The following GRID2 variants were observed in gnomAD, a reference collection of about 807,000 sequenced individuals.
GRID2 encodes the protein glutamate ionotropic receptor delta type subunit 2.
A neutral mutation model predicts 114.8 loss-of-function variants in GRID2; 33 were observed. That is an observed-to-expected ratio of 0.29 (90% CI 0.22 to 0.38). GRID2 has a LOEUF of 0.38. Ranked by LOEUF, GRID2 falls within the 10% of genes least tolerant of loss-of-function variation. The pLI, the probability that GRID2 is intolerant of heterozygous loss-of-function variation, is 1.00. For synonymous variants in GRID2, 505 were observed against 449.9 expected (o/e 1.12, Z -1.55); for missense variants, 1,184 against 1,257.7 (o/e 0.94, Z 0.89).
intron 8 of GRID2, among the ~76,000 whole-genome samples, chr4:93,370,642 TC>T (rs1006330157): frequency 9.2e-5 from 14 of 151,490 alleles, no homozygotes; most frequent in African/African-American, 2.7e-4. Flanking sequence ...TAAGGTTTTC[TC>T]TTTTTTTGCA....
At chr4:93,725,548 G>A (rs1311075175) in intron 14 of GRID2, among the ~76,000 whole-genome samples, 2 of 151,764 alleles carry the variant, frequency 1.3e-5, no homozygotes, top group African/African-American at 4.9e-5. Flanking sequence ...AGATCCCTGA[G>A]GAATCGCCAC....
rs755854561 is a variant in GRID2 at position 92,928,897 on chromosome 4, A to G, written c.245-156098A>G. On this transcript the variant is annotated intron_variant, in intron 2 of 15. Coordinates refer to ENST00000282020, the MANE Select transcript of GRID2 (RefSeq NM_001510.4). The stretch of plus-strand genomic sequence containing the variant: ...TTTTGAGAACCATCTTTGGCAACAT[A>G]TAGCAGTTTTTGATTTCCCCATCTA... Among the ~76,000 whole-genome samples the G allele has an allele frequency of 2.6e-4, 40 of 151,446 alleles. 1 individual carries two copies. Among genetic ancestry groups the G allele is most frequent in the Non-Finnish European group, 4.7e-4 (32 of 67,598 alleles).
intron 8 of GRID2, among the ~76,000 whole-genome samples, chr4:93,366,154 A>G (rs1433791122): frequency 6.6e-6 from 1 of 152,214 alleles, no homozygotes; most frequent in Non-Finnish European, 1.5e-5. Flanking sequence ...GCAATTGTTC[A>G]GGGAATAAGA....
At chr4:92,683,040 C>T (rs2149286028) in intron 2 of GRID2, among the ~76,000 whole-genome samples, 1 of 152,238 alleles carries the variant, frequency 6.6e-6, no homozygotes, top group East Asian at 1.9e-4. Flanking sequence ...TGGCTCACAC[C>T]TGTAATCCCA....
At chr4:93,631,789 A>C (rs1720916819) in intron 14 of GRID2, among the ~76,000 whole-genome samples, 1 of 152,242 alleles carries the variant, frequency 6.6e-6, no homozygotes, top group South Asian at 2.1e-4. Flanking sequence ...AGGAATCGCC[A>C]CACTGTCTTC....
chr4:93,195,376 A>G (rs577281979), intron 4 of GRID2, among the ~76,000 whole-genome samples: 23 of 152,322 alleles, frequency 1.5e-4, no homozygotes, highest in African/African-American at 5.0e-4. Flanking sequence ...GTGGAGAACC[A>G]TCTGAGAAAG....
At chr4:92,611,082 G>A (rs2149228547) in intron 2 of GRID2, among the ~76,000 whole-genome samples, 1 of 136,580 alleles carries the variant, frequency 7.3e-6, no homozygotes, top group South Asian at 2.5e-4. Context: ...ATATATATGT[G>A]TGTATATATA....
intron 10 of GRID2, 102 bp from the exon 11 acceptor site, chr4:93,455,560 G>A (rs774992047): frequency 5.8e-6 from 4 of 686,308 alleles, no homozygotes; most frequent in African/African-American, 1.8e-5. Context: ...GATTTATATT[G>A]CCTGAGGCAT....
intron 2 of GRID2, among the ~76,000 whole-genome samples, chr4:92,941,716 A>G (rs1219571767): frequency 2.0e-5 from 3 of 151,948 alleles, no homozygotes; most frequent in Non-Finnish European, 2.9e-5. Context: ...AGTGCTGCAA[A>G]TTTCCCTCTA....
intron 2 of GRID2, among the ~76,000 whole-genome samples, chr4:92,707,847 T>C (rs1054034618): frequency 6.6e-6 from 1 of 152,190 alleles, no homozygotes; most frequent in African/African-American, 2.4e-5. Context: ...TGGTCCCTGA[T>C]GGGTTTCTTG....
At position 93,194,517 on chromosome 4, in the gene GRID2, G is replaced by A. The variant is rs556536395; in HGVS notation, c.736-12887G>A. Among the ~76,000 whole-genome samples the A allele has an allele frequency of 3.9e-5, 6 of 152,176 alleles. 1 individual carries two copies. The South Asian group carries it at 1.0e-3, about 26-fold the overall frequency. On this transcript the variant is annotated intron_variant, in intron 4 of 15. Coordinates refer to ENST00000282020, the MANE Select transcript of GRID2 (RefSeq NM_001510.4). The stretch of plus-strand genomic sequence containing the variant: ...TATTTCTGCTGGACTATTATGTGTG[G>A]ACTGGCAGGTATTGGCATACTTTTC...
At chr4:92,774,651 A>G (rs113637467) in intron 2 of GRID2, among the ~76,000 whole-genome samples, 2 of 137,642 alleles carry the variant, frequency 1.5e-5, no homozygotes, top group African/African-American at 5.6e-5. Context: ...GCAGTGGTGC[A>G]GTGGTGCAAT....
At chr4:93,006,319 G>A (rs567186051) in intron 2 of GRID2, among the ~76,000 whole-genome samples, 82 of 152,174 alleles carry the variant, frequency 5.4e-4, no homozygotes, top group African/African-American at 1.8e-3. Flanking sequence ...CAGGAGGAGA[G>A]GGGGAGACCT....
At chr4:93,183,123 T>G (rs1740054229) in intron 4 of GRID2, among the ~76,000 whole-genome samples, 1 of 152,122 alleles carries the variant, frequency 6.6e-6, no homozygotes, top group Admixed American at 6.6e-5. Context: ...GAACCAGAAA[T>G]TCCTAAAATT....
At chr4:93,174,210 A>G (rs1018697089) in intron 4 of GRID2, among the ~76,000 whole-genome samples, 1 of 152,190 alleles carries the variant, frequency 6.6e-6, no homozygotes, top group African/African-American at 2.4e-5. Context: ...CGCCACAGCC[A>G]AGAGAGAGAA....
At chr4:93,690,970 CTT>C (rs963144934) in intron 14 of GRID2, among the ~76,000 whole-genome samples, 2 of 148,412 alleles carry the variant, frequency 1.3e-5, no homozygotes, top group African/African-American at 4.9e-5. Context: ...ATAAATAAGT[CTT>C]TCATTTTAAT....
chr4:93,613,896 C>G (rs566317359), intron 13 of GRID2, among the ~76,000 whole-genome samples: 2 of 151,416 alleles, frequency 1.3e-5, no homozygotes, highest in Admixed American at 6.6e-5. Flanking sequence ...CAATGGCGGG[C>G]GCCCCTCCCC....
intron 1 of GRID2, among the ~76,000 whole-genome samples, chr4:92,383,413 G>A (rs1729712697): frequency 6.6e-6 from 1 of 151,808 alleles, no homozygotes. Flanking sequence ...AGCTCCAAAG[G>A]CCTAAGACAG....
chr4:92,952,685 A>G (rs1752119085), intron 2 of GRID2, among the ~76,000 whole-genome samples: 1 of 152,246 alleles, frequency 6.6e-6, no homozygotes, highest in African/African-American at 2.4e-5. Context: ...CAATTTTTGA[A>G]TAAGTCAAGT....
Sources: allele counts gnomAD v4.1 joint callset (sites outside exome capture counted in the v4.1 genomes callset), GRCh38; gene constraint gnomAD v4.1.1; transcripts MANE v1.5; gene names NCBI Gene and HGNC (gene_info 2026-07-23, HGNC 2026-07-21).